WDFY3: variants seen among roughly 807,000 people sequenced by gnomAD.
WDFY3 encodes the protein WD repeat and FYVE domain-containing protein 3.
Under a neutral mutation model 409.6 loss-of-function variants are expected in WDFY3, and 66 were observed. The observed-to-expected ratio is 0.16, with a 90% CI of 0.13 to 0.20. The LOEUF (loss-of-function observed/expected upper bound fraction) is 0.20. Ranked by LOEUF, WDFY3 falls within the 10% of genes least tolerant of loss-of-function variation. The pLI is 1.00. For synonymous variants in WDFY3, 1,521 were observed against 1,537.1 expected (o/e 0.99, Z 0.25); for missense variants, 3,031 against 4,298.1 (o/e 0.71, Z 8.24).
intron 9 of WDFY3, among the ~76,000 whole-genome samples, chr4:84,827,767 T>C (rs1270472527): frequency 6.6e-6 from 1 of 152,160 alleles, no homozygotes; most frequent in East Asian, 1.9e-4. Context: ...CAAAATGATA[T>C]TCTTAGGGGT....
intron 17 of WDFY3, among the ~76,000 whole-genome samples, chr4:84,799,655 C>T (rs1051449812): frequency 2.0e-5 from 3 of 151,878 alleles, no homozygotes; most frequent in Admixed American, 6.6e-5. Flanking sequence ...AGAGCATAAA[C>T]CCTCCATAAC....
intron 1 of WDFY3, among the ~76,000 whole-genome samples, chr4:84,956,156 C>A (rs1016063924): frequency 4.6e-5 from 7 of 152,144 alleles, no homozygotes; most frequent in African/African-American, 1.7e-4. Flanking sequence ...AAACATCATA[C>A]AGGAAGAGGA....
chr4:84,850,296 C>A (rs1758707756), intron 4 of WDFY3, among the ~76,000 whole-genome samples: 1 of 151,036 alleles, frequency 6.6e-6, no homozygotes, highest in Non-Finnish European at 1.5e-5. Flanking sequence ...ATCAATCTCA[C>A]GAAAAACATT....
chr4:84,941,957 T>C (rs190222149), intron 1 of WDFY3, among the ~76,000 whole-genome samples: 46 of 152,060 alleles, frequency 3.0e-4, no homozygotes, highest in Non-Finnish European at 5.4e-4. Flanking sequence ...AGTAATCAGA[T>C]ATCCACAACC....
In WDFY3 at chr4:84,677,319, G is replaced by C. The variant is rs777497413; in HGVS notation, c.10337C>G (p.Ser3446Cys). ...ATCCTTCACCCAGTGATCAGCAGCAGAACGGCCTGGCTGGTCACTCACAGA... is the reference window on the plus strand; with the variant it reads ...ATCCTTCACCCAGTGATCAGCAGCACAACGGCCTGGCTGGTCACTCACAGA... ...SWSVSDQPGRSAADHWVKDEG... is the reference protein window; with the variant it reads ...SWSVSDQPGRCAADHWVKDEG... The change falls in exon 67 of 68, where the codon TCT becomes TGT. Residue 3446 changes from serine (S) to cysteine (C), a missense_variant. Transcript: ENST00000295888. The C allele has an allele frequency of 1.2e-6, 2 of 1,614,088 alleles. No individual in the cohort carries two copies. The highest frequency in any genetic ancestry group is 1.1e-5 in the South Asian group (1 of 91,086).
intron 10 of WDFY3, among the ~76,000 whole-genome samples, chr4:84,826,491 T>G (rs1014530213): frequency 1.2e-4 from 19 of 152,190 alleles, no homozygotes; most frequent in African/African-American, 4.6e-4. Flanking sequence ...TTGAGTTCTA[T>G]CCACGTAAAG....
chr4:84,827,960 T>C (rs1755094930), intron 9 of WDFY3, among the ~76,000 whole-genome samples: 1 of 151,670 alleles, frequency 6.6e-6, no homozygotes, highest in Admixed American at 6.6e-5. Context: ...ATAAATAAAA[T>C]ATAGCTGGGT....
chr4:84,963,252 C>T (rs370418097), intron 1 of WDFY3, among the ~76,000 whole-genome samples: 3 of 151,514 alleles, frequency 2.0e-5, no homozygotes, highest in South Asian at 2.1e-4. Flanking sequence ...GGTAAAACCC[C>T]GTCTCCACTA....
intron 2 of WDFY3, among the ~76,000 whole-genome samples, chr4:84,916,260 A>C (rs1768471263): frequency 6.6e-6 from 1 of 152,190 alleles, no homozygotes; most frequent in East Asian, 1.9e-4. Context: ...CAGAGAAAAA[A>C]TAATGAATAC....
chr4:84,690,821 T>C (rs1729139352), intron 60 of WDFY3, among the ~76,000 whole-genome samples, 157 bp from the exon 61 acceptor site: 1 of 152,162 alleles, frequency 6.6e-6, no homozygotes, highest in African/African-American at 2.4e-5. Flanking sequence ...ATCCACTGAA[T>C]CTCTACCCTG....
intron 2 of WDFY3, among the ~76,000 whole-genome samples, chr4:84,908,908 T>C (rs1767395331): frequency 6.6e-6 from 1 of 152,158 alleles, no homozygotes; most frequent in Non-Finnish European, 1.5e-5. Context: ...AATCATGTCT[T>C]AAACATCTAT....
chr4:84,828,194 T>C (rs975412262), intron 9 of WDFY3, among the ~76,000 whole-genome samples: 1 of 151,852 alleles, frequency 6.6e-6, no homozygotes, highest in African/African-American at 2.4e-5. Flanking sequence ...GGCCCAGGAA[T>C]AGCTGCTGAA....
intron 63 of WDFY3, among the ~76,000 whole-genome samples, chr4:84,683,344 A>G (rs1310293872): frequency 6.6e-6 from 1 of 152,234 alleles, no homozygotes; most frequent in African/African-American, 2.4e-5. Context: ...GCTTTTACAA[A>G]GAGCACAATT....
At chr4:84,960,384 C>T (rs371468124) in intron 1 of WDFY3, among the ~76,000 whole-genome samples, 15 of 152,282 alleles carry the variant, frequency 9.9e-5, no homozygotes, top group African/African-American at 2.6e-4. Flanking sequence ...CCACACCTCA[C>T]GTATGTGATA....
intron 2 of WDFY3, among the ~76,000 whole-genome samples, chr4:84,929,474 C>T (rs565182780): frequency 2.6e-5 from 4 of 150,980 alleles, no homozygotes; most frequent in Admixed American, 1.3e-4. Flanking sequence ...ATTGCGCCCC[C>T]CCCCCCAAAT....
At chr4:84,832,684 T>C (rs942785316) in intron 7 of WDFY3, among the ~76,000 whole-genome samples, 2 of 152,164 alleles carry the variant, frequency 1.3e-5, no homozygotes, top group African/African-American at 4.8e-5. Flanking sequence ...AGTAAATAAA[T>C]GGCTGATTAT....
Position 84,738,880 on chromosome 4 carries a change from T to A in WDFY3, c.6574+130A>T, listed in dbSNP as rs191194160. The stretch of plus-strand genomic sequence containing the variant: ...GTTATTGGCATGAGGAGACTCTTTA[T>A]GTATAGGTTGCCCTACTGGGAGAGT... On this transcript the variant is annotated intron_variant, in intron 40 of 67. Coordinates refer to ENST00000295888, the MANE Select transcript of WDFY3 (RefSeq NM_014991.6). 3 of 756,806 alleles carry A rather than the reference T, an allele frequency of 4.0e-6. No individual in the cohort carries two copies. In the East Asian group the frequency reaches 7.9e-5, roughly 20 times the overall value. 46.9% of individuals were successfully genotyped at this position (756,806 alleles called of 1,614,324 possible). A position where few individuals can be genotyped will look rare whatever the true frequency, so the allele number is the denominator to read the frequency against.
intron 36 of WDFY3, among the ~76,000 whole-genome samples, chr4:84,745,251 G>T (rs576046551): frequency 1.3e-5 from 2 of 152,276 alleles, no homozygotes; most frequent in East Asian, 3.9e-4. Context: ...CCAGGTTTTT[G>T]ATAGGAGTTG....
intron 30 of WDFY3, among the ~76,000 whole-genome samples, chr4:84,767,488 CAG>C (rs1488005072): frequency 6.6e-6 from 1 of 151,984 alleles, no homozygotes; most frequent in African/African-American, 2.4e-5. Context: ...TGATTAAGTT[CAG>C]AGAGGAAGGC....
Sources: allele counts gnomAD v4.1 joint callset (sites outside exome capture counted in the v4.1 genomes callset), GRCh38; gene constraint gnomAD v4.1.1; transcripts MANE v1.5; gene names NCBI Gene and HGNC (gene_info 2026-07-23, HGNC 2026-07-21).